MAST4: variants seen among roughly 807,000 people sequenced by gnomAD.
MAST4 encodes the protein microtubule associated serine/threonine kinase family member 4.
Under a neutral mutation model 162.7 loss-of-function variants are expected in MAST4, and 89 were observed. That is an observed-to-expected ratio of 0.55 (90% confidence interval 0.46 to 0.65). The LOEUF (loss-of-function observed/expected upper bound fraction) is 0.65. Among genes scored for constraint, MAST4 ranks in the 30% least tolerant of loss-of-function variants. The pLI is 0.00. For synonymous variants in MAST4, 1,479 were observed against 1,361.1 expected (o/e 1.09, Z -1.91); for missense variants, 3,153 against 3,374.0 (o/e 0.93, Z 1.62).
At chr5:67,079,558 A>G (rs565282990) in intron 5 of MAST4, among the ~76,000 whole-genome samples, 1 of 152,338 alleles carries the variant, frequency 6.6e-6, no homozygotes, top group African/African-American at 2.4e-5. Flanking sequence ...TGAATGAACC[A>G]GTGAATAACA....
chr5:66,961,608 C>T (rs557461029), intron 4 of MAST4, among the ~76,000 whole-genome samples: 62 of 152,246 alleles, frequency 4.1e-4, no homozygotes, highest in African/African-American at 1.4e-3. Context: ...CCTGGCTTTC[C>T]AGTTTCTGAG....
At position 67,165,996 on chromosome 5, in the gene MAST4, G is replaced by C; in HGVS notation, c.6817G>C (p.Val2273Leu). ...GIGQGEGGPS[V>L]PLHTDRAPLD... Reference sequence around the variant, plus strand: ...TGGCCAGGGAGAAGGTGGGCCCTCTGTCCCACTGCACACTGACAGGGCTCC... The same window carrying C: ...TGGCCAGGGAGAAGGTGGGCCCTCTCTCCCACTGCACACTGACAGGGCTCC... The change falls in exon 29 of 29, where the codon GTC becomes CTC. Residue 2273 changes from valine to leucine, a missense_variant. Coordinates refer to ENST00000403625, the MANE Select transcript of MAST4 (RefSeq NM_001164664.2). The C allele has an allele frequency of 6.2e-7, 1 of 1,613,640 alleles. No individual in the cohort carries two copies. Among genetic ancestry groups the C allele is most frequent in the Non-Finnish European group, 8.5e-7 (1 of 1,179,866 alleles).
rs753326062 is a variant in MAST4, at chr5:67,152,855, C to T, written c.3514C>T (p.His1172Tyr). The T allele has an allele frequency of 4.3e-6, 7 of 1,613,436 alleles. No individual in the cohort carries two copies. The highest frequency in any genetic ancestry group is 5.1e-6 in the Non-Finnish European group (6 of 1,179,544). Residue 1172 changes from histidine (H) to tyrosine (Y), a missense_variant, in exon 25 of 29, where the codon CAT becomes TAT. Physicochemically the swap from His to Tyr is moderately conservative, Grantham distance 83 (BLOSUM62 2). Around this residue, in one of 7 missense-constraint regions of MAST4, gnomAD observed 619 missense variants for 744.2 expected, o/e 0.83. Transcript: ENST00000403625. ...AGACAGTGACATCTATACAGTGCACCATATCGTCTGGGTAAGACCTGCATG... is the reference window on the plus strand; with the variant it reads ...AGACAGTGACATCTATACAGTGCACTATATCGTCTGGGTAAGACCTGCATG... ...VGDSDIYTVH[H>Y]IVWNVEEGSP...
At chr5:66,688,197 A>G (rs1748815378) in intron 1 of MAST4, among the ~76,000 whole-genome samples, 1 of 152,208 alleles carries the variant, frequency 6.6e-6, no homozygotes, top group Non-Finnish European at 1.5e-5. Flanking sequence ...GTTGATGTCA[A>G]GTCTATCAAA....
At chr5:66,881,547 G>A (rs1235086281) in intron 3 of MAST4, among the ~76,000 whole-genome samples, 1 of 152,118 alleles carries the variant, frequency 6.6e-6, no homozygotes, top group East Asian at 1.9e-4. Flanking sequence ...CTATCCTTAT[G>A]GGAATTTTTA....
chr5:67,147,588 A>G (rs767278398), intron 23 of MAST4, among the ~76,000 whole-genome samples: 7 of 152,238 alleles, frequency 4.6e-5, no homozygotes, highest in Non-Finnish European at 8.8e-5. Flanking sequence ...GTAGGGGTCA[A>G]ACGTATCCAA....
intron 4 of MAST4, among the ~76,000 whole-genome samples, chr5:67,041,859 C>T (rs79287740): frequency 6.6e-6 from 1 of 152,216 alleles, no homozygotes; most frequent in Non-Finnish European, 1.5e-5. Flanking sequence ...AAACTCCTGA[C>T]CTCAAGTGAT....
At chr5:66,784,660 TTG>T (rs200293031) in intron 2 of MAST4, among the ~76,000 whole-genome samples, 3 of 152,094 alleles carry the variant, frequency 2.0e-5, no homozygotes, top group Non-Finnish European at 2.9e-5. Flanking sequence ...TATTATTCTT[TTG>T]TGTGTGTGTG....
chr5:67,064,375 A>G (rs76031048), intron 5 of MAST4, among the ~76,000 whole-genome samples: 4,647 of 152,216 alleles, frequency 0.031, 245 homozygotes, highest in African/African-American at 0.11. Context: ...TGCGTCACAG[A>G]TGTCCACTGA....
At chr5:67,070,173 A>C (rs1301441640) in intron 5 of MAST4, among the ~76,000 whole-genome samples, 1 of 152,084 alleles carries the variant, frequency 6.6e-6, no homozygotes, top group Non-Finnish European at 1.5e-5. Context: ...ATTTCATTTG[A>C]CAGTTTTGAT....
chr5:67,113,983 C>T (rs1426589199), intron 11 of MAST4, 104 bp from the exon 12 acceptor site: 1 of 1,278,978 alleles, frequency 7.8e-7, no homozygotes, highest in Non-Finnish European at 1.1e-6. Flanking sequence ...AAGTAACTTA[C>T]AGCCATGTAT....
chr5:66,864,036 A>G (rs1760307596), intron 3 of MAST4, among the ~76,000 whole-genome samples: 1 of 152,246 alleles, frequency 6.6e-6, no homozygotes. Flanking sequence ...TGCATCCCAC[A>G]CACACATATA....
chr5:67,078,923 T>TATATATA (rs1554093906), intron 5 of MAST4, among the ~76,000 whole-genome samples: 2 of 81,744 alleles, frequency 2.4e-5, no homozygotes, highest in Non-Finnish European at 4.2e-5. Context: ...TATATATATA[T>TATATATA]ATATATATAT....
At chr5:66,915,902 T>C (rs557019654) in intron 4 of MAST4, among the ~76,000 whole-genome samples, 1 of 152,224 alleles carries the variant, frequency 6.6e-6, no homozygotes, top group African/African-American at 2.4e-5. Context: ...TTCTCTTCGA[T>C]TGGACCATTT....
chr5:66,730,870 A>G (rs1751806647), intron 1 of MAST4, among the ~76,000 whole-genome samples: 1 of 152,058 alleles, frequency 6.6e-6, no homozygotes, highest in Non-Finnish European at 1.5e-5. Flanking sequence ...CCTCCCCCAA[A>G]AAAAATAGGG....
chr5:66,668,287 G>A (rs1219867387), intron 1 of MAST4, among the ~76,000 whole-genome samples: 2 of 152,168 alleles, frequency 1.3e-5, no homozygotes, highest in African/African-American at 4.8e-5. Flanking sequence ...CGAGAGTCTT[G>A]TTTACAGCCT....
intron 14 of MAST4, among the ~76,000 whole-genome samples, chr5:67,129,151 G>C (rs1768615560): frequency 1.3e-5 from 2 of 152,106 alleles, no homozygotes; most frequent in Admixed American, 1.3e-4. Flanking sequence ...CTTGACCGTG[G>C]GTCTGAGAGA....
chr5:67,124,195 A>G (rs1423682146), intron 14 of MAST4, among the ~76,000 whole-genome samples: 1 of 151,978 alleles, frequency 6.6e-6, no homozygotes, highest in Non-Finnish European at 1.5e-5. Flanking sequence ...CTGCCCCTCC[A>G]CCTTCTACCC....
At position 67,045,779 on chromosome 5, in the gene MAST4, C is replaced by G. The variant is rs572392780; in HGVS notation, c.675-8625C>G. On this transcript the variant is annotated intron_variant, in intron 4 of 28. Coordinates refer to ENST00000403625, the MANE Select transcript of MAST4 (RefSeq NM_001164664.2). ...TTTAAAGGAAAAGAAGAGGTAGTTC[C>G]TAAATTGTTTACCAAGAATTTATGT... Among the ~76,000 whole-genome samples, 3 of 152,254 alleles carry G rather than the reference C, an allele frequency of 2.0e-5. 1 individual carries two copies. The South Asian group carries it at 6.2e-4, about 32-fold the overall frequency.
Sources: allele counts gnomAD v4.1 joint callset (sites outside exome capture counted in the v4.1 genomes callset), GRCh38; gene constraint gnomAD v4.1.1; regional missense constraint gnomAD v4.1.1; transcripts MANE v1.5; gene names NCBI Gene and HGNC (gene_info 2026-07-23, HGNC 2026-07-21).